Variants in EPB41L5 observed in about 807,000 individuals in gnomAD.
EPB41L5 encodes erythrocyte membrane protein band 4.1 like 5.
EPB41L5 carries 55 observed loss-of-function variants against 106.6 expected under a neutral mutation model. The observed-to-expected ratio is 0.52, with a 90% CI of 0.42 to 0.65. The LOEUF is 0.65. Ranked by LOEUF, EPB41L5 falls within the 30% of genes least tolerant of loss-of-function variation. EPB41L5 has a pLI of 0.00. For missense variants in EPB41L5, 871 were observed against 882.1 expected (o/e 0.99, Z 0.16); for synonymous variants, 297 against 306.7 (o/e 0.97, Z 0.33).
At chr2:120,077,352 A>G in intron 9 of EPB41L5, 36 bp downstream of exon 9, 1 of 1,578,234 alleles carries the variant, frequency 6.3e-7, no homozygotes, top group Non-Finnish European at 8.7e-7. Flanking sequence ...TTAAAAATTT[A>G]TTCTTTGGAG....
chr2:120,107,899 G>C (rs1462194159), intron 16 of EPB41L5, among the ~76,000 whole-genome samples: 2 of 152,180 alleles, frequency 1.3e-5, no homozygotes, highest in Non-Finnish European at 2.9e-5. Context: ...TGCTAATGTA[G>C]TAATGCACTT....
intron 3 of EPB41L5, among the ~76,000 whole-genome samples, chr2:120,066,403 C>G (rs2105298137): frequency 6.6e-6 from 1 of 152,192 alleles, no homozygotes; most frequent in South Asian, 2.1e-4. Context: ...GTCTAATAAC[C>G]TGCCTTTTAA....
intron 2 of EPB41L5, among the ~76,000 whole-genome samples, chr2:120,031,290 TC>T (rs1678693575): frequency 1.3e-5 from 2 of 152,300 alleles, no homozygotes; most frequent in African/African-American, 4.8e-5. Flanking sequence ...CCATTGCAAT[TC>T]CCCTGTCTTG....
In EPB41L5 at chr2:120,167,906, G is replaced by A. The variant is rs374116576; in HGVS notation, c.2034G>A (p.Ala678=). The change falls in exon 24 of 25, where the codon GCG becomes GCA. Residue 678 remains alanine (A), a synonymous_variant. Transcript: ENST00000263713. ...PQSGAMSNGL[A]GCEMLLTGKE... is the part of the protein sequence containing the mutation. Reference sequence around the variant, plus strand: ...GTGGTGCCATGTCTAATGGACTTGCGGGATGTGAAATGCTTTTGACAGGGA... The same window carrying A: ...GTGGTGCCATGTCTAATGGACTTGCAGGATGTGAAATGCTTTTGACAGGGA... 1.2e-5 allele frequency: 20 copies of A among 1,613,930 alleles called. No individual in the cohort carries two copies. Among genetic ancestry groups the A allele is most frequent in the Admixed American group, 5.0e-5 (3 of 59,974 alleles).
rs35333671 is a variant in EPB41L5, at chr2:120,076,470, C to CTTTTTTTTT, written c.506-483_506-475dup. Among the ~76,000 whole-genome samples the CTTTTTTTTT allele has an allele frequency of 1.0e-4, 6 of 58,882 alleles. No individual in the cohort carries two copies. The East Asian group carries it at 1.9e-3, about 18-fold the overall frequency. The allele number at this position is 58,882 out of a possible 152,430, so 38.6% of individuals were successfully genotyped here. A position where few individuals can be genotyped will look rare whatever the true frequency, so the allele number is the denominator to read the frequency against. ...CCATTAGGCCTGGCTAATTTTTGTA[C>CTTTTTTTTT]TTTTTTTTTTTTTTTTTTTTTTTTT... On this transcript the variant is annotated intron_variant, in intron 7 of 24. Coordinates refer to ENST00000263713, the MANE Select transcript of EPB41L5 (RefSeq NM_020909.4).
At chr2:120,044,584 T>G (rs6542563) in intron 3 of EPB41L5, among the ~76,000 whole-genome samples, 105,635 of 152,056 alleles carry the variant, frequency 0.69, 38,044 homozygotes, top group Non-Finnish European at 0.79. Flanking sequence ...TAGGTTTGAG[T>G]TACTTAGTAT....
intron 3 of EPB41L5, among the ~76,000 whole-genome samples, chr2:120,046,455 C>A (rs1306420980): frequency 1.3e-5 from 2 of 149,892 alleles, no homozygotes; most frequent in Admixed American, 6.6e-5. Flanking sequence ...TAAATGTGTT[C>A]TTTTGAGAAG....
chr2:120,045,888 T>A (rs535899759), intron 3 of EPB41L5, among the ~76,000 whole-genome samples: 2 of 146,012 alleles, frequency 1.4e-5, no homozygotes, highest in Non-Finnish European at 3.0e-5. Context: ...AGTTCCCACC[T>A]ATGAGTGAGA....
chr2:120,104,921 A>C lies in EPB41L5; in HGVS notation c.1337+4107A>C, dbSNP rs184241344. Reference sequence around the variant, plus strand: ...CTGATTAACATTCAGTTATCATAACAGTTAACCAGTGGTTAACTGAATGGT... The same window carrying C: ...CTGATTAACATTCAGTTATCATAACCGTTAACCAGTGGTTAACTGAATGGT... On this transcript the variant is annotated intron_variant, in intron 16 of 24. Coordinates refer to ENST00000263713, the MANE Select transcript of EPB41L5 (RefSeq NM_020909.4). 15 of 977,530 alleles carry C rather than the reference A, an allele frequency of 1.5e-5. No homozygotes were observed. In the African/African-American group the frequency reaches 2.4e-4, roughly 16 times the overall value. 60.6% of individuals were successfully genotyped at this position (977,530 alleles called of 1,614,324 possible).
At chr2:120,120,456 A>G (rs1185211389) in intron 16 of EPB41L5, among the ~76,000 whole-genome samples, 3 of 150,604 alleles carry the variant, frequency 2.0e-5, no homozygotes, top group Non-Finnish European at 3.0e-5. Context: ...AAAAGGAACA[A>G]GAACAAGAAA....
chr2:120,152,639 CCTT>C (rs1268585772), intron 20 of EPB41L5, among the ~76,000 whole-genome samples: 3 of 152,098 alleles, frequency 2.0e-5, no homozygotes, highest in South Asian at 4.1e-4. Flanking sequence ...AGGAAGTGTT[CCTT>C]CTTCTGCTGT....
At chr2:120,021,292 A>G (rs1344689529) in intron 2 of EPB41L5, among the ~76,000 whole-genome samples, 3 of 148,980 alleles carry the variant, frequency 2.0e-5, no homozygotes, top group African/African-American at 7.5e-5. Flanking sequence ...GTGAGCTGAG[A>G]TCGCGCCACT....
intron 16 of EPB41L5, chr2:120,105,863 A>C: frequency 1.0e-6 from 1 of 985,342 alleles, no homozygotes; most frequent in Non-Finnish European, 1.2e-6. Context: ...TTAAGCACAG[A>C]AGCTCTGGGT....
At chr2:120,041,131 C>G (rs139591458) in intron 2 of EPB41L5, among the ~76,000 whole-genome samples, 3 of 152,104 alleles carry the variant, frequency 2.0e-5, no homozygotes, top group African/African-American at 7.2e-5. Context: ...TTTATGTTAA[C>G]GTAATATAAA....
In EPB41L5 at chr2:120,075,710, T is replaced by C. The variant is rs1682183474; in HGVS notation, c.462T>C (p.Cys154=). ...TGTGTTTTGGTCTCAGATTAGACTGTCCCTTTGATACAGCAGTGCAATTGG... is the reference window on the plus strand; with the variant it reads ...TGTGTTTTGGTCTCAGATTAGACTGCCCCTTTGATACAGCAGTGCAATTGG... The part of the protein sequence containing the change: ...KQDILSGKLD[C]PFDTAVQLAA... Residue 154 remains cysteine, a synonymous_variant, in exon 7 of 25, where the codon TGT becomes TGC. Transcript: ENST00000263713. The C allele has an allele frequency of 6.2e-7, 1 of 1,613,528 alleles. No individual in the cohort carries two copies. The highest frequency in any genetic ancestry group is 2.2e-5 in the East Asian group (1 of 44,818).
At chr2:120,138,934 A>G (rs1686052863) in intron 18 of EPB41L5, among the ~76,000 whole-genome samples, 1 of 152,080 alleles carries the variant, frequency 6.6e-6, no homozygotes, top group Non-Finnish European at 1.5e-5. Flanking sequence ...TTCAAATTAT[A>G]CTACAGAGCT....
chr2:120,061,262 G>T (rs1487416772), intron 3 of EPB41L5, among the ~76,000 whole-genome samples: 1 of 141,578 alleles, frequency 7.1e-6, no homozygotes, highest in African/African-American at 2.6e-5. Context: ...TCGCTCTGTC[G>T]CCCAGGCTGG....
At chr2:120,075,191 C>A (rs574248651) in intron 5 of EPB41L5, among the ~76,000 whole-genome samples, 1 of 152,108 alleles carries the variant, frequency 6.6e-6, no homozygotes, top group Non-Finnish European at 1.5e-5. Flanking sequence ...TTTACAATTA[C>A]GTATTTTACA....
intron 3 of EPB41L5, among the ~76,000 whole-genome samples, chr2:120,053,414 T>C (rs537012347): frequency 6.6e-6 from 1 of 152,338 alleles, no homozygotes; most frequent in East Asian, 1.9e-4. Flanking sequence ...TTTCAGTATA[T>C]TTAGAATTGT....
Sources: gnomAD v4.1 joint callset for allele counts (sites outside exome capture counted in the v4.1 genomes callset) on GRCh38, gnomAD v4.1.1 for gene constraint, MANE v1.5 for transcripts, NCBI Gene and HGNC (gene_info 2026-07-23, HGNC 2026-07-21) for gene names.